The following GUCY1B1 variants were observed in gnomAD, a reference collection of about 807,000 sequenced individuals.
GUCY1B1 encodes guanylate cyclase 1 soluble subunit beta 1.
In GUCY1B1, 43 loss-of-function variants were observed where a neutral mutation model predicts 71.0. That is an observed-to-expected ratio of 0.61 (90% confidence interval 0.47 to 0.78). The LOEUF (loss-of-function observed/expected upper bound fraction) is 0.78, where lower values mean the gene tolerates loss of function less well. Among genes scored for constraint, GUCY1B1 ranks in the 30% least tolerant of loss-of-function variants. The pLI, the probability that GUCY1B1 is intolerant of heterozygous loss-of-function variation, is 0.00. For synonymous variants in GUCY1B1, 266 were observed against 259.7 expected, an observed-to-expected ratio of 1.02 and a Z score of -0.23; for missense variants, 535 against 754.1, an observed-to-expected ratio of 0.71 and a Z score of 3.40.
chr4:155,763,067 G>A (rs554607374), intron 2 of GUCY1B1, among the ~76,000 whole-genome samples: 7 of 152,232 alleles, frequency 4.6e-5, no homozygotes, highest in East Asian at 1.9e-4. Flanking sequence ...AGTTAGGAGT[G>A]ATACATCCTA....
In GUCY1B1 at chr4:155,789,809, C is replaced by T. The variant is rs1174732529; in HGVS notation, c.393C>T (p.Leu131=). ...CTGATGCAGAAAAGGGCAAAGGACTCATTTTGCACTACTACTCAGAGAGAG... is the reference window on the plus strand; with the variant it reads ...CTGATGCAGAAAAGGGCAAAGGACTTATTTTGCACTACTACTCAGAGAGAG... The part of the protein sequence containing the change: ...RCTDAEKGKG[L]ILHYYSEREG... The change falls in exon 5 of 14, where the codon CTC becomes CTT. Residue 131 remains leucine (L), a synonymous_variant. Coordinates refer to ENST00000264424, the MANE Select transcript of GUCY1B1 (RefSeq NM_000857.5). 2 of 1,602,514 alleles carry T rather than the reference C, an allele frequency of 1.2e-6. No individual in the cohort carries two copies. The highest frequency in any genetic ancestry group is 1.1e-5 in the South Asian group (1 of 90,852).
intron 4 of GUCY1B1, chr4:155,785,476 A>G (rs935576027): frequency 1.3e-4 from 68 of 529,828 alleles, no homozygotes; most frequent in Non-Finnish European, 4.9e-5. Flanking sequence ...TTGATATGAA[A>G]CTCTTATTCC....
In GUCY1B1 at chr4:155,759,550, G is replaced by T. The variant is rs552086598; in HGVS notation, c.4-237G>T. On this transcript the variant is annotated intron_variant, in intron 1 of 13. Coordinates refer to ENST00000264424, the MANE Select transcript of GUCY1B1 (RefSeq NM_000857.5). ...TCCCGGAGCGGTGACAGGTGAGGAG[G>T]GTGGGAAGATAGCGTGGGGGTGGGG... 4.4e-5 allele frequency: 24 copies of T among 542,538 alleles called. 1 individual carries two copies. The South Asian group carries it at 6.1e-4, about 14-fold the overall frequency. 33.6% of individuals were successfully genotyped at this position (542,538 alleles called of 1,614,324 possible).
At chr4:155,794,112 G>A (rs1276354793) in intron 6 of GUCY1B1, 26 bp downstream of exon 6, 6 of 1,269,684 alleles carry the variant, frequency 4.7e-6, no homozygotes, top group African/African-American at 1.5e-5. Flanking sequence ...ACTTCCTTGG[G>A]GCCTGAGACA....
intron 2 of GUCY1B1, chr4:155,772,642 A>G (rs1456796646): frequency 7.2e-6 from 5 of 698,072 alleles, no homozygotes; most frequent in Non-Finnish European, 1.3e-5. Context: ...CTGTTCTCAA[A>G]TTCCTGAGCT....
intron 2 of GUCY1B1, among the ~76,000 whole-genome samples, chr4:155,770,918 T>C (rs978662471): frequency 7.9e-5 from 12 of 152,232 alleles, no homozygotes; most frequent in African/African-American, 2.4e-4. Context: ...CTTCATAACA[T>C]ATTATATCAT....
rs763161973 is a variant in GUCY1B1 at position 155,774,983 on chromosome 4, A to G, written c.93A>G (p.Leu31=). The G allele has an allele frequency of 6.3e-7, 1 of 1,578,924 alleles. No individual in the cohort carries two copies. Among genetic ancestry groups the G allele is most frequent in the South Asian group, 1.1e-5 (1 of 90,226 alleles). The part of the protein sequence containing the change: ...VWEDIKKEAQ[L]DEEGQFLVRI... Reference sequence around the variant, plus strand: ...TGTTTTCCAGAAAAGAGGCACAGTTAGATGAAGAAGGACAGTTTCTTGTCA... The same window carrying G: ...TGTTTTCCAGAAAAGAGGCACAGTTGGATGAAGAAGGACAGTTTCTTGTCA... Residue 31 remains leucine (L), a synonymous_variant, in exon 3 of 14, where the codon TTA becomes TTG. Transcript: ENST00000264424.
chr4:155,782,092 T>C (rs1253249483), intron 4 of GUCY1B1, among the ~76,000 whole-genome samples: 1 of 152,078 alleles, frequency 6.6e-6, no homozygotes, highest in Admixed American at 6.5e-5. Flanking sequence ...ATTATTATTA[T>C]TGAGACGGAG....
At chr4:155,770,208 A>G (rs532332764) in intron 2 of GUCY1B1, among the ~76,000 whole-genome samples, 2 of 152,280 alleles carry the variant, frequency 1.3e-5, no homozygotes, top group Non-Finnish European at 2.9e-5. Flanking sequence ...TCTTAAATTT[A>G]CTGGTCGCCC....
intron 2 of GUCY1B1, among the ~76,000 whole-genome samples, chr4:155,762,957 G>C (rs961135504): frequency 1.3e-5 from 2 of 151,876 alleles, no homozygotes; most frequent in African/African-American, 4.8e-5. Context: ...CCATTTCAAA[G>C]TTTTTTTTGT....
Position 155,803,632 on chromosome 4 carries a change from T to C in GUCY1B1, c.1422T>C (p.Thr474=), listed in dbSNP as rs1427599335. The change falls in exon 11 of 14, where the codon ACT becomes ACC. Residue 474 remains threonine (T), a synonymous_variant. Transcript: ENST00000264424. ...AATATATGTACTGTTAGGTGGAGAC[T>C]GTTGGTGACAAGTATATGACAGTGA... ...RKNPFVYKVE[T]VGDKYMTVSG... 1 of 1,584,900 alleles carries C rather than the reference T, an allele frequency of 6.3e-7. No homozygotes were observed. Among genetic ancestry groups the C allele is most frequent in the Non-Finnish European group, 8.6e-7 (1 of 1,166,042 alleles).
intron 4 of GUCY1B1, among the ~76,000 whole-genome samples, chr4:155,784,305 G>C (rs1048320009): frequency 6.6e-6 from 1 of 152,078 alleles, no homozygotes; most frequent in Admixed American, 6.5e-5. Flanking sequence ...AGGAAGAAAA[G>C]GCAGGAAAAG....
rs1240672320 is a variant in GUCY1B1, at chr4:155,796,259, A to G, written c.844-118A>G. On this transcript the variant is annotated intron_variant, in intron 7 of 13. Transcript: ENST00000264424. ...CTGACAGAAGGCCCTCTCCTGTTCT[A>G]ATGATGCACTTATTCTGCTTTGTGG... The G allele has an allele frequency of 5.5e-6, 5 of 916,800 alleles. No individual in the cohort carries two copies. The Admixed American group carries it at 1.1e-4, about 20-fold the overall frequency. The allele number at this position is 916,800 out of a possible 1,614,324, so 56.8% of individuals were successfully genotyped here.
intron 2 of GUCY1B1, among the ~76,000 whole-genome samples, chr4:155,771,780 T>C (rs1737708741): frequency 6.6e-6 from 1 of 152,118 alleles, no homozygotes; most frequent in Admixed American, 6.5e-5. Flanking sequence ...GTGGAAAAAA[T>C]AAAAACATCT....
At chr4:155,779,916 C>A (rs1738296957) in intron 4 of GUCY1B1, among the ~76,000 whole-genome samples, 1 of 152,142 alleles carries the variant, frequency 6.6e-6, no homozygotes, top group Non-Finnish European at 1.5e-5. Flanking sequence ...GTCACAGCAT[C>A]TTTAGATTCT....
Position 155,785,979 on chromosome 4 carries a change from G to C in GUCY1B1, c.298-3735G>C, listed in dbSNP as rs546075729. On this transcript the variant is annotated intron_variant, in intron 4 of 13. Transcript: ENST00000264424. ...TCATTTGGTGTTTTTGGTATCCTTT[G>C]GTGAGGGTGCAGTGCCTATCTTTAG... is the stretch of plus-strand genomic sequence containing the variant. Among the ~76,000 whole-genome samples the C allele has an allele frequency of 3.3e-5, 5 of 152,206 alleles. No homozygotes were observed. In the South Asian group the frequency reaches 1.0e-3, roughly 32 times the overall value.
intron 7 of GUCY1B1, 35 bp from the exon 8 acceptor site, chr4:155,796,342 G>A: frequency 5.6e-6 from 9 of 1,596,770 alleles, no homozygotes; most frequent in Non-Finnish European, 7.7e-6. Context: ...TAGGGAGAAA[G>A]GCATTCATTA....
At chr4:155,804,564 T>A in intron 11 of GUCY1B1, 29 bp from the exon 12 acceptor site, 2 of 1,569,186 alleles carry the variant, frequency 1.3e-6, no homozygotes, top group Non-Finnish European at 8.7e-7. Flanking sequence ...GTGATCAAAA[T>A]GATTGAAGCA....
intron 2 of GUCY1B1, among the ~76,000 whole-genome samples, chr4:155,762,831 A>T (rs1270276815): frequency 1.3e-5 from 2 of 152,206 alleles, no homozygotes; most frequent in African/African-American, 4.8e-5. Context: ...GACCAGGAAA[A>T]CGCAAACAAA....
Sources: allele counts gnomAD v4.1 joint callset (sites outside exome capture counted in the v4.1 genomes callset), GRCh38; gene constraint gnomAD v4.1.1; transcripts MANE v1.5; gene names NCBI Gene and HGNC (gene_info 2026-07-23, HGNC 2026-07-21).